The following TULP4 variants were observed in gnomAD, a reference collection of about 807,000 sequenced individuals.
TULP4 encodes the protein tubby-related protein 4.
TULP4 carries 16 observed loss-of-function variants against 129.0 expected under a neutral mutation model. The observed-to-expected ratio is 0.12, with a 90% CI of 0.08 to 0.19. TULP4 has a LOEUF of 0.19. Ranked by LOEUF, TULP4 falls within the 10% of genes least tolerant of loss-of-function variation. TULP4 has a pLI of 1.00. For missense variants in TULP4, 1,842 were observed against 2,059.1 expected (o/e 0.89, Z 2.04); for synonymous variants, 998 against 854.0 (o/e 1.17, Z -2.94).
chr6:158,300,226 A>G (rs550944912), intron 1 of TULP4, among the ~76,000 whole-genome samples: 1 of 152,288 alleles, frequency 6.6e-6, no homozygotes, highest in South Asian at 2.1e-4. Flanking sequence ...GTGAAACACA[A>G]GCATACCCTC....
At chr6:158,330,986 G>T (rs2128491894) in intron 1 of TULP4, among the ~76,000 whole-genome samples, 1 of 152,160 alleles carries the variant, frequency 6.6e-6, no homozygotes, top group East Asian at 1.9e-4. Flanking sequence ...CCTTTTCAGG[G>T]TGTCACATGT....
At chr6:158,342,152 A>G (rs140639295) in intron 1 of TULP4, among the ~76,000 whole-genome samples, 65 of 152,330 alleles carry the variant, frequency 4.3e-4, no homozygotes, top group African/African-American at 1.4e-3. Flanking sequence ...TCTTGACCTC[A>G]TGATCCGCCC....
At chr6:158,491,471 C>T (rs867688716) in intron 9 of TULP4, among the ~76,000 whole-genome samples, 71 of 25,442 alleles carry the variant, frequency 2.8e-3, no homozygotes, top group African/African-American at 0.011. Flanking sequence ...TTCTTTCTTT[C>T]TTTTCTTTCT....
At position 158,508,244 on chromosome 6, in the gene TULP4, C is replaced by T. The variant is rs562548993; in HGVS notation, c.*1550C>T. On this transcript the variant is annotated 3_prime_UTR_variant, in exon 14 of 14. Transcript: ENST00000367097. ...AGGCCCCTCTCCTGGGCCTGCTGTG[C>T]AGGAGCACAGGAACTATCTGCTGGC... 11 of 152,294 alleles carry T rather than the reference C, an allele frequency of 7.2e-5. No individual in the cohort carries two copies. The highest frequency in any genetic ancestry group is 7.2e-4 in the Admixed American group (11 of 15,302). The allele number at this position is 152,294 out of a possible 1,614,324, so 9.4% of individuals were successfully genotyped here. A position where few individuals can be genotyped will look rare whatever the true frequency, so the allele number is the denominator to read the frequency against.
intron 6 of TULP4, among the ~76,000 whole-genome samples, chr6:158,469,536 A>C (rs1779626611): frequency 6.6e-6 from 1 of 151,942 alleles, no homozygotes; most frequent in African/African-American, 2.4e-5. Flanking sequence ...CGGCCTTCCA[A>C]AGTGCTGGGA....
At chr6:158,309,390 G>A (rs1779293558), upstream of TULP4, among the ~76,000 whole-genome samples, 1 of 144,250 alleles carries the variant, frequency 6.9e-6, no homozygotes, top group Non-Finnish European at 1.5e-5. Flanking sequence ...GGGCAGAGAC[G>A]CTCCTCACTT....
intron 1 of TULP4, among the ~76,000 whole-genome samples, chr6:158,405,545 T>A (rs192301569): frequency 7.9e-5 from 12 of 152,170 alleles, no homozygotes; most frequent in African/African-American, 1.4e-4. Context: ...CTACTTGAGA[T>A]AATGGAGAGC....
intron 1 of TULP4, among the ~76,000 whole-genome samples, chr6:158,337,218 T>A (rs916732669): frequency 7.2e-6 from 1 of 137,944 alleles, no homozygotes; most frequent in Non-Finnish European, 1.5e-5. Context: ...CTGCAGAGCA[T>A]TAATTTCCTG....
chr6:158,475,059 A>G lies in TULP4; in HGVS notation c.1027-4692A>G, dbSNP rs958391450. ...AATGACTAACAGCTCAGTAGATAAA[A>G]AAATGATTGGCTGGACGCATGGCAT... On this transcript the variant is annotated intron_variant, in intron 6 of 13. Coordinates refer to ENST00000367097, the MANE Select transcript of TULP4 (RefSeq NM_020245.5). Among the ~76,000 whole-genome samples, 9 of 152,384 alleles carry G rather than the reference A, an allele frequency of 5.9e-5. No homozygotes were observed. The East Asian group carries it at 1.7e-3, about 29-fold the overall frequency.
At chr6:158,376,564 T>C (rs1013203916) in intron 1 of TULP4, among the ~76,000 whole-genome samples, 3 of 152,184 alleles carry the variant, frequency 2.0e-5, no homozygotes, top group Admixed American at 1.3e-4. Context: ...AGGAAAGAAC[T>C]TAGATCCCAC....
At position 158,503,917 on chromosome 6, in the gene TULP4, G is replaced by T; in HGVS notation, c.4254G>T (p.Glu1418Asp). The change falls in exon 13 of 14, where the codon GAG becomes GAT. Residue 1418 changes from glutamate to aspartate, a missense_variant. Around this residue, in one of 5 missense-constraint regions of TULP4, gnomAD observed 1,089 missense variants for 987.1 expected, o/e 1.10. Coordinates refer to ENST00000367097, the MANE Select transcript of TULP4 (RefSeq NM_020245.5). The surrounding 1 kb of genome is among the most constrained non-coding windows in gnomAD (Gnocchi z 4.3). ...CTGAGCTGTTCATCAGCGGGGATGA[G>T]CTCATGAACCAGAGCCAGGGCAGCA... ...SEPELFISGDELMNQSQGSRK... is the reference protein window; with the variant it reads ...SEPELFISGDDLMNQSQGSRK... 1 of 1,614,060 alleles carries T rather than the reference G, an allele frequency of 6.2e-7. No homozygotes were observed. Among genetic ancestry groups the T allele is most frequent in the Non-Finnish European group, 8.5e-7 (1 of 1,180,010 alleles).
intron 1 of TULP4, among the ~76,000 whole-genome samples, chr6:158,302,971 T>C (rs1779155819): frequency 6.6e-6 from 1 of 150,758 alleles, no homozygotes; most frequent in African/African-American, 2.4e-5. Flanking sequence ...CTGCTAGTTA[T>C]ATGTTAGTGG....
intron 1 of TULP4, among the ~76,000 whole-genome samples, chr6:158,299,688 C>G (rs1185951129): frequency 6.6e-6 from 1 of 152,180 alleles, no homozygotes; most frequent in Non-Finnish European, 1.5e-5. Context: ...CAATGTTCAT[C>G]TGTAGCTCCA....
intron 1 of TULP4, among the ~76,000 whole-genome samples, chr6:158,320,432 AT>A (rs34867450): frequency 0.33 from 46,698 of 142,178 alleles, 8,283 homozygotes; most frequent in Admixed American, 0.45. Context: ...TTTAACAGGA[AT>A]TTTTTTTTTT....
At chr6:158,452,019 G>C in intron 4 of TULP4, 115 bp from the exon 5 acceptor site, 1 of 1,455,254 alleles carries the variant, frequency 6.9e-7, no homozygotes, top group Non-Finnish European at 9.4e-7. Context: ...CCAATCCAGA[G>C]TAGGATCTGC....
chr6:158,386,363 A>G (rs1777448607), intron 1 of TULP4, among the ~76,000 whole-genome samples: 1 of 152,218 alleles, frequency 6.6e-6, no homozygotes, highest in South Asian at 2.1e-4. Context: ...TCAAAATTTA[A>G]CAAGTAAAGC....
In TULP4 at chr6:158,503,254, C is replaced by G. The variant is rs747972161; in HGVS notation, c.3591C>G (p.Asn1197Lys). 1 of 1,613,888 alleles carries G rather than the reference C, an allele frequency of 6.2e-7. No individual in the cohort carries two copies. Among genetic ancestry groups the G allele is most frequent in the South Asian group, 1.1e-5 (1 of 91,078 alleles). The change falls in exon 13 of 14, where the codon AAC becomes AAG. Residue 1197 changes from asparagine (N) to lysine (K), a missense_variant. By Grantham distance (94) the Asn-to-Lys change is moderately conservative. Coordinates refer to ENST00000367097, the MANE Select transcript of TULP4 (RefSeq NM_020245.5). This position sits in a 1 kb window ranked among gnomAD's most constrained non-coding sequence, Gnocchi z 4.3. ...TGCCATATCCAGGAAGCTATAACAACCCCCCTTTGCCTGGAGTGCAGGCTC... is the reference window on the plus strand; with the variant it reads ...TGCCATATCCAGGAAGCTATAACAAGCCCCCTTTGCCTGGAGTGCAGGCTC... ...MGVPYPGSYN[N>K]PPLPGVQAPC...
intron 5 of TULP4, among the ~76,000 whole-genome samples, chr6:158,455,408 T>C (rs1175057800): frequency 2.0e-5 from 3 of 151,948 alleles, no homozygotes; most frequent in African/African-American, 7.2e-5. Context: ...TAACTAGATA[T>C]CTAAATCTAA....
chr6:158,429,708 T>C lies in TULP4; in HGVS notation c.382-28T>C, dbSNP rs750455356. On this transcript the variant is annotated intron_variant, in intron 2 of 13. Transcript: ENST00000367097. ...AATGTTTTCCTTTTCAGATTACAAATTGACTCTTTTCTGTGTGTGTCCCCA... is the reference window on the plus strand; with the variant it reads ...AATGTTTTCCTTTTCAGATTACAAACTGACTCTTTTCTGTGTGTGTCCCCA... 5 of 1,594,096 alleles carry C rather than the reference T, an allele frequency of 3.1e-6. No homozygotes were observed. The African/African-American group carries it at 4.1e-5, about 13-fold the overall frequency.
Sources: allele counts gnomAD v4.1 joint callset (sites outside exome capture counted in the v4.1 genomes callset), GRCh38; gene constraint gnomAD v4.1.1; regional missense constraint gnomAD v4.1.1; non-coding constraint Gnocchi (gnomAD v3.1); transcripts MANE v1.5; gene names NCBI Gene and HGNC (gene_info 2026-07-23, HGNC 2026-07-21).